Variants in SIPA1L3 observed in about 807,000 individuals in gnomAD.
SIPA1L3 encodes signal induced proliferation associated 1 like 3, also known as signal-induced proliferation-associated 1-like protein 3.
SIPA1L3 carries 59 observed loss-of-function variants against 150.1 expected under a neutral mutation model. That is an observed-to-expected ratio of 0.39 (90% CI 0.32 to 0.49). The LOEUF is 0.49. Ranked by LOEUF, SIPA1L3 falls within the 20% of genes least tolerant of loss-of-function variation. The pLI, the probability that SIPA1L3 is intolerant of heterozygous loss-of-function variation, is 0.86. For synonymous variants in SIPA1L3, 1,070 were observed against 1,077.6 expected, an observed-to-expected ratio of 0.99 and a Z score of 0.14; for missense variants, 2,211 against 2,489.5, an observed-to-expected ratio of 0.89 and a Z score of 2.38.
chr19:38,156,596 G>A (rs1009601463), intron 13 of SIPA1L3, among the ~76,000 whole-genome samples: 60 of 151,078 alleles, frequency 4.0e-4, no homozygotes, highest in African/African-American at 1.3e-3. Flanking sequence ...AGGCCGAGGC[G>A]GGTGGATCAC....
chr19:38,057,025 A>C (rs1969332499), intron 2 of SIPA1L3, among the ~76,000 whole-genome samples: 1 of 151,756 alleles, frequency 6.6e-6, no homozygotes, highest in Admixed American at 6.6e-5. Context: ...TAATCCCAGC[A>C]CTCTGGGAAG....
chr19:38,018,993 A>T (rs879020374), intron 1 of SIPA1L3, among the ~76,000 whole-genome samples: 2 of 152,226 alleles, frequency 1.3e-5, no homozygotes, highest in African/African-American at 4.8e-5. Context: ...GGGAAGTTCT[A>T]GCTTTCTCCC....
chr19:38,017,796 C>G (rs1968272579), intron 1 of SIPA1L3, among the ~76,000 whole-genome samples: 1 of 152,116 alleles, frequency 6.6e-6, no homozygotes, highest in Non-Finnish European at 1.5e-5. Context: ...TCCCAAAATG[C>G]TGGGATTACA....
Position 38,106,372 on chromosome 19 carries a change from G to T in SIPA1L3, c.2030-165G>T, listed in dbSNP as rs28376501. 5,658 of 597,432 alleles carry T rather than the reference G, an allele frequency of 9.5e-3. 236 individuals carry two copies. Among genetic ancestry groups the T allele is most frequent in the African/African-American group, 0.094 (5,038 of 53,422 alleles). 37.0% of individuals were successfully genotyped at this position (597,432 alleles called of 1,614,324 possible). Reference sequence around the variant, plus strand: ...TCCACCTGCCTCAGCCTCCCAAAGTGCTGGGATTATAGGTGTGAACCACCA... The same window carrying T: ...TCCACCTGCCTCAGCCTCCCAAAGTTCTGGGATTATAGGTGTGAACCACCA... On this transcript the variant is annotated intron_variant, in intron 6 of 21. Transcript: ENST00000222345.
chr19:37,955,391 C>CAA (rs35650003), intron 1 of SIPA1L3, among the ~76,000 whole-genome samples: 1,578 of 120,514 alleles, frequency 0.013, 37 homozygotes, highest in East Asian at 0.064. Context: ...AACTCTGTCT[C>CAA]AAAAAAAAAA....
intron 8 of SIPA1L3, among the ~76,000 whole-genome samples, chr19:38,111,731 G>A (rs1478166519): frequency 2.0e-5 from 3 of 152,214 alleles, no homozygotes; most frequent in South Asian, 2.1e-4. Context: ...CTCCTTACAG[G>A]CATGTCCCTG....
chr19:38,065,165 C>T (rs552703470), intron 2 of SIPA1L3, among the ~76,000 whole-genome samples: 4 of 152,268 alleles, frequency 2.6e-5, no homozygotes, highest in Admixed American at 2.6e-4. Flanking sequence ...CTCTATTTCC[C>T]TGGGGAATAT....
In SIPA1L3 at chr19:38,206,338, A is replaced by T; in HGVS notation, c.*98A>T. ...GCTCCCAGCTGCCGGTGTGACCAAG[A>T]TGACCCATCCAGGGCCCTCCCCATG... On this transcript the variant is annotated 3_prime_UTR_variant, in exon 22 of 22. Coordinates refer to ENST00000222345, the MANE Select transcript of SIPA1L3 (RefSeq NM_015073.3). 7.1e-7 allele frequency: 1 copy of T among 1,407,272 alleles called. No individual in the cohort carries two copies. Among genetic ancestry groups the T allele is most frequent in the Non-Finnish European group, 9.5e-7 (1 of 1,050,188 alleles). 87.2% of individuals were successfully genotyped at this position (1,407,272 alleles called of 1,614,324 possible). A position where few individuals can be genotyped will look rare whatever the true frequency, so the allele number is the denominator to read the frequency against.
rs534525909 is a variant in SIPA1L3 at position 38,023,164 on chromosome 19, C to T, written c.-378-5925C>T. Among the ~76,000 whole-genome samples, 9 of 152,310 alleles carry T rather than the reference C, an allele frequency of 5.9e-5. No individual in the cohort carries two copies. The South Asian group carries it at 8.3e-4, about 14-fold the overall frequency. ...TAGGCTGGGCTGGAGGCAGGACCAC[C>T]GTGGGGCCCCCAGCACAGTGAAATC... On this transcript the variant is annotated intron_variant, in intron 1 of 21. Coordinates refer to ENST00000222345, the MANE Select transcript of SIPA1L3 (RefSeq NM_015073.3).
At chr19:37,985,072 G>C (rs1261213564) in intron 1 of SIPA1L3, among the ~76,000 whole-genome samples, 1 of 152,196 alleles carries the variant, frequency 6.6e-6, no homozygotes, top group African/African-American at 2.4e-5. Context: ...GTGATTGGTA[G>C]TGCTATTAAG....
chr19:38,059,994 C>G (rs1290794974), intron 2 of SIPA1L3, among the ~76,000 whole-genome samples: 1 of 152,166 alleles, frequency 6.6e-6, no homozygotes, highest in Non-Finnish European at 1.5e-5. Context: ...AGGCTGGTCT[C>G]GAACTTCTGA....
chr19:38,086,143 A>G (rs1390003927), intron 3 of SIPA1L3, among the ~76,000 whole-genome samples: 2 of 152,224 alleles, frequency 1.3e-5, no homozygotes, highest in Non-Finnish European at 2.9e-5. Context: ...AGATAACCTA[A>G]TGAAAACTTG....
intron 9 of SIPA1L3, among the ~76,000 whole-genome samples, chr19:38,129,150 T>TG (rs1971250895): frequency 6.6e-6 from 1 of 151,832 alleles, no homozygotes; most frequent in Non-Finnish European, 1.5e-5. Flanking sequence ...AACAGCATGC[T>TG]GGGGGGAGGG....
At chr19:38,030,588 G>A (rs1051999915) in intron 2 of SIPA1L3, among the ~76,000 whole-genome samples, 1 of 126,172 alleles carries the variant, frequency 7.9e-6, no homozygotes, top group Non-Finnish European at 1.6e-5. Context: ...TGGGTAATGG[G>A]TATTTACACA....
chr19:38,108,204 G>A (rs543401567), intron 7 of SIPA1L3, among the ~76,000 whole-genome samples: 32 of 152,116 alleles, frequency 2.1e-4, no homozygotes, highest in Non-Finnish European at 4.0e-4. Flanking sequence ...GACAGGGCCC[G>A]ACACACAGGA....
rs757938976 is a variant in SIPA1L3 at position 38,046,732 on chromosome 19, A to G, written c.-311+17576A>G. Among the ~76,000 whole-genome samples, 1 of 152,098 alleles carries G rather than the reference A, an allele frequency of 6.6e-6. No individual in the cohort carries two copies. Among genetic ancestry groups the G allele is most frequent in the South Asian group, 2.1e-4 (1 of 4,822 alleles). On this transcript the variant is annotated intron_variant, in intron 2 of 21. Transcript: ENST00000222345. This position sits in a 1 kb window ranked among gnomAD's most constrained non-coding sequence, Gnocchi z 5.6. ...CCCGAGCAGCTCCTCTGACCCCGCA[A>G]CCCGGCATCTCCTGTGCCCGAGTGG...
chr19:38,066,625 A>C (rs2145791175), intron 2 of SIPA1L3, among the ~76,000 whole-genome samples: 1 of 152,160 alleles, frequency 6.6e-6, no homozygotes, highest in East Asian at 1.9e-4. Context: ...CAGGAGTTCT[A>C]GACCAGCCTG....
intron 9 of SIPA1L3, among the ~76,000 whole-genome samples, chr19:38,125,804 C>A (rs187590668): frequency 3.9e-5 from 6 of 152,312 alleles, no homozygotes; most frequent in Non-Finnish European, 4.4e-5. Context: ...CTTGGCCTGG[C>A]CAGTGCTGGG....
rs1159141697 is a variant in SIPA1L3 at position 38,010,710 on chromosome 19, T to TA, written c.-378-18373dup. 5.3e-5 allele frequency among the ~76,000 whole-genome samples: 8 copies of TA among 152,172 alleles called. No homozygotes were observed. The East Asian group carries it at 9.7e-4, about 18-fold the overall frequency. On this transcript the variant is annotated intron_variant, in intron 1 of 21. Transcript: ENST00000222345. Reference sequence around the variant, plus strand: ...CGGGCAACAAGAGCGAAACTCTGTCTAAAAAACAAAACAAAACAAAAAAGA... The same window carrying TA: ...CGGGCAACAAGAGCGAAACTCTGTCTAAAAAAACAAAACAAAACAAAAAAGA...
Sources: allele counts gnomAD v4.1 joint callset (sites outside exome capture counted in the v4.1 genomes callset), GRCh38; gene constraint gnomAD v4.1.1; non-coding constraint Gnocchi (gnomAD v3.1); transcripts MANE v1.5; gene names NCBI Gene and HGNC (gene_info 2026-07-23, HGNC 2026-07-21).